Variants in EPN2 observed in about 807,000 individuals in gnomAD.
EPN2 encodes epsin 2, also known as epsin-2.
A neutral mutation model predicts 61.7 loss-of-function variants in EPN2; 34 were observed. The observed-to-expected ratio is 0.55, with a 90% CI of 0.42 to 0.73. The LOEUF is 0.73. Ranked by LOEUF, EPN2 falls within the 30% of genes least tolerant of loss-of-function variation. The probability of loss-of-function intolerance (pLI) is 0.00; values close to 1 mark genes in which losing one functional copy is unlikely to be tolerated. For missense variants in EPN2, 714 were observed against 839.2 expected (o/e 0.85, Z 1.84); for synonymous variants, 349 against 353.6 (o/e 0.99, Z 0.15).
chr17:19,305,220 C>T (rs1331655307), intron 4 of EPN2, among the ~76,000 whole-genome samples: 2 of 149,508 alleles, frequency 1.3e-5, no homozygotes, highest in South Asian at 4.3e-4. Context: ...CTGCTTAGTT[C>T]AAGTGATTTT....
At chr17:19,239,382 C>T (rs1249886255) in intron 1 of EPN2, among the ~76,000 whole-genome samples, 2 of 152,220 alleles carry the variant, frequency 1.3e-5, no homozygotes, top group Non-Finnish European at 2.9e-5. Flanking sequence ...GAACTCCTGA[C>T]CTCATGTGAT....
intron 4 of EPN2, among the ~76,000 whole-genome samples, chr17:19,294,532 T>TA (rs1316898908): frequency 6.6e-6 from 1 of 152,246 alleles, no homozygotes; most frequent in East Asian, 1.9e-4. Context: ...TCCTTTGTAG[T>TA]ATAGGTAAAC....
In EPN2 at chr17:19,281,521, C is replaced by T. The variant is rs372605833; in HGVS notation, c.-293-434C>T. 2.1e-3 allele frequency among the ~76,000 whole-genome samples: 319 copies of T among 152,042 alleles called. 9 individuals are homozygous for T. In the South Asian group the frequency reaches 0.063, roughly 30 times the overall value. On this transcript the variant is annotated intron_variant, in intron 1 of 10. Transcript: ENST00000314728. ...TTTACTTGCTTGTTTTTTTGATGTG[C>T]CCATTACCCATCTGAGGCTTTAGAT...
chr17:19,253,192 C>G (rs2045033748), intron 1 of EPN2, among the ~76,000 whole-genome samples: 1 of 152,144 alleles, frequency 6.6e-6, no homozygotes, highest in South Asian at 2.1e-4. Context: ...TTTGCCTATT[C>G]TGGACATTTC....
intron 7 of EPN2, among the ~76,000 whole-genome samples, chr17:19,327,216 A>T (rs147808041): frequency 6.6e-6 from 1 of 152,262 alleles, no homozygotes; most frequent in Non-Finnish European, 1.5e-5. Context: ...GCAAAACCAA[A>T]CGAGTATCCT....
chr17:19,250,305 A>G (rs2045000431), intron 1 of EPN2, among the ~76,000 whole-genome samples: 1 of 152,114 alleles, frequency 6.6e-6, no homozygotes, highest in African/African-American at 2.4e-5. Flanking sequence ...CATGTTGGCC[A>G]GGCTGGTGTC....
At chr17:19,306,081 TCTTC>T (rs1905827464) in intron 4 of EPN2, 2 of 152,264 alleles carry the variant, frequency 1.3e-5, no homozygotes, top group African/African-American at 4.8e-5. Context: ...CAATTCCCGT[TCTTC>T]CTTCCAGTGA....
chr17:19,312,199 A>G lies in EPN2; in HGVS notation c.972+55A>G. On this transcript the variant is annotated intron_variant, in intron 6 of 10. Transcript: ENST00000314728. ...CACCCTGTCCTGTAGTTGTTGCCTCAATATCCCCCCACCAACTTGCCTGGA... is the reference window on the plus strand; with the variant it reads ...CACCCTGTCCTGTAGTTGTTGCCTCGATATCCCCCCACCAACTTGCCTGGA... The G allele has an allele frequency of 2.3e-6, 3 of 1,287,296 alleles. No individual in the cohort carries two copies. In the South Asian group the frequency reaches 3.6e-5, roughly 15 times the overall value. 79.7% of individuals were successfully genotyped at this position (1,287,296 alleles called of 1,614,324 possible). A position where few individuals can be genotyped will look rare whatever the true frequency, so the allele number is the denominator to read the frequency against.
Position 19,328,854 on chromosome 17 carries a change from G to A in EPN2, c.1291G>A (p.Ala431Thr), listed in dbSNP as rs772339828. ...GAAAAGAGCTTCTGACGCGTGGGGC[G>A]CAGTCTCCACCACCAAGCCCGTGTC... ...AGKRASDAWG[A>T]VSTTKPVSVS... is the part of the protein sequence containing the mutation. The change falls in exon 8 of 11, where the codon GCA becomes ACA. Residue 431 changes from alanine (A) to threonine (T), a missense_variant. Physicochemically the swap from Ala to Thr is moderately conservative, Grantham distance 58. Coordinates refer to ENST00000314728, the MANE Select transcript of EPN2 (RefSeq NM_014964.5). 6 of 1,612,658 alleles carry A rather than the reference G, an allele frequency of 3.7e-6. No homozygotes were observed. Among genetic ancestry groups the A allele is most frequent in the African/African-American group, 1.3e-5 (1 of 74,896 alleles).
chr17:19,332,031 C>T lies in EPN2; in HGVS notation c.1590C>T (p.Ala530=). Residue 530 remains alanine (A), a synonymous_variant, in exon 10 of 11, where the codon GCC becomes GCT. Coordinates refer to ENST00000314728, the MANE Select transcript of EPN2 (RefSeq NM_014964.5). The part of the protein sequence containing the change: ...VNLDSLVTRP[A]PPAQSLNPFL... ...TGGACTCACTGGTGACCAGGCCTGC[C>T]CCACCAGCCCAGTCCCTCAACCCTT... The T allele has an allele frequency of 6.2e-7, 1 of 1,612,840 alleles. No individual in the cohort carries two copies. Among genetic ancestry groups the T allele is most frequent in the African/African-American group, 1.3e-5 (1 of 75,022 alleles).
chr17:19,286,432 T>A (rs8066128), intron 4 of EPN2, among the ~76,000 whole-genome samples: 2,113 of 152,318 alleles, frequency 0.014, 35 homozygotes, highest in South Asian at 0.066. Context: ...TTCTACTAAT[T>A]AATAATGTAT....
intron 1 of EPN2, among the ~76,000 whole-genome samples, chr17:19,259,073 A>G (rs933743677): frequency 3.9e-5 from 6 of 152,236 alleles, no homozygotes; most frequent in Non-Finnish European, 8.8e-5. Flanking sequence ...GGGGAAACAA[A>G]TATTATCTGC....
chr17:19,310,610 C>T (rs555075981), intron 5 of EPN2, among the ~76,000 whole-genome samples: 16 of 112,288 alleles, frequency 1.4e-4, no homozygotes, highest in African/African-American at 5.6e-4. Context: ...CAGAGTCTCA[C>T]TCTGTCACCC....
chr17:19,260,849 T>C (rs528302879), intron 1 of EPN2, among the ~76,000 whole-genome samples: 64 of 152,302 alleles, frequency 4.2e-4, no homozygotes, highest in Non-Finnish European at 8.1e-4. Context: ...TTCTCCCTTT[T>C]CAGTAAATGA....
Position 19,328,883 on chromosome 17 carries a change from C to T in EPN2, c.1320C>T (p.Val440=). 1 of 1,608,600 alleles carries T rather than the reference C, an allele frequency of 6.2e-7. No individual in the cohort carries two copies. The highest frequency in any genetic ancestry group is 1.1e-5 in the South Asian group (1 of 90,020). ...TCTCCACCACCAAGCCCGTGTCTGT[C>T]TCTGGTGAGCCCCTCACTCACCCAC... is the stretch of plus-strand genomic sequence containing the variant. ...GAVSTTKPVS[V]SGSFELFSNL... The change falls in exon 8 of 11, where the codon GTC becomes GTT. Residue 440 remains valine, a synonymous_variant. Transcript: ENST00000314728.
intron 1 of EPN2, among the ~76,000 whole-genome samples, chr17:19,237,925 C>T (rs1257827879): frequency 6.6e-6 from 1 of 152,254 alleles, no homozygotes; most frequent in East Asian, 1.9e-4. Flanking sequence ...CGTTCCTCCT[C>T]TCCCCGAGCC....
At chr17:19,328,935 C>T (rs368807483) in intron 8 of EPN2, 48 bp downstream of exon 8, 82 of 1,540,998 alleles carry the variant, frequency 5.3e-5, no homozygotes, top group South Asian at 9.6e-5. Context: ...TGAGCGCCCA[C>T]GGGCCCTGCA....
intron 5 of EPN2, 69 bp downstream of exon 5, chr17:19,310,066 A>G: frequency 9.0e-7 from 1 of 1,110,516 alleles, no homozygotes. Flanking sequence ...GCTCACTGGG[A>G]AGAAGATGGC....
intron 4 of EPN2, among the ~76,000 whole-genome samples, chr17:19,295,352 A>ACGCGCGCGCG: frequency 1.7e-5 from 1 of 59,966 alleles, no homozygotes; most frequent in African/African-American, 3.7e-5. Context: ...ACACACACAC[A>ACGCGCGCGCG]CACACACACA....
Sources: allele counts gnomAD v4.1 joint callset (sites outside exome capture counted in the v4.1 genomes callset), GRCh38; gene constraint gnomAD v4.1.1; transcripts MANE v1.5; gene names NCBI Gene and HGNC (gene_info 2026-07-23, HGNC 2026-07-21).